PTCHD1: variants seen among roughly 807,000 people sequenced by gnomAD.
PTCHD1 encodes the protein patched domain containing 1, also known as patched domain-containing protein 1.
Under a neutral mutation model 34.6 loss-of-function variants are expected in PTCHD1, and 3 were observed. The observed-to-expected ratio is 0.09, with a 90% CI of 0.04 to 0.22. The LOEUF is 0.22. Among genes scored for constraint, PTCHD1 ranks in the 10% least tolerant of loss-of-function variants. PTCHD1 has a pLI of 1.00. For missense variants in PTCHD1, 504 were observed against 685.5 expected (o/e 0.74, Z 2.96); for synonymous variants, 305 against 283.1 (o/e 1.08, Z -0.77).
intron 1 of PTCHD1, among the ~76,000 whole-genome samples, chrX:23,369,457 G>A (rs1330933680): frequency 9.0e-6 from 1 of 111,246 alleles, no homozygotes; most frequent in African/African-American, 3.3e-5. Flanking sequence ...TCTCATTAGG[G>A]GACAATTTTC....
At position 23,357,400 on chromosome X, in the gene PTCHD1, G is replaced by C. The variant is rs146239916; in HGVS notation, c.351+22174G>C. Among the ~76,000 whole-genome samples the C allele has an allele frequency of 7.7e-3, 863 of 111,659 alleles. 8 individuals are homozygous for C. The highest frequency in any genetic ancestry group is 0.02 in the African/African-American group (605 of 30,680). ...GACCGGCAGTACTGAGTGTTGCTGAGGATATGGGGTAACTGGAACTCTTAT... is the reference window on the plus strand; with the variant it reads ...GACCGGCAGTACTGAGTGTTGCTGACGATATGGGGTAACTGGAACTCTTAT... On this transcript the variant is annotated intron_variant, in intron 1 of 2. Coordinates refer to ENST00000379361, the MANE Select transcript of PTCHD1 (RefSeq NM_173495.3).
intron 2 of PTCHD1, among the ~76,000 whole-genome samples, chrX:23,382,156 T>C (rs889719800): frequency 2.7e-5 from 3 of 111,862 alleles, no homozygotes; most frequent in African/African-American, 9.8e-5. Flanking sequence ...CAATCAGTGC[T>C]GATTTTATGA....
At chrX:23,381,601 A>T (rs1041390821) in intron 2 of PTCHD1, among the ~76,000 whole-genome samples, 5 of 111,944 alleles carry the variant, frequency 4.5e-5, no homozygotes, top group Non-Finnish European at 7.5e-5. Flanking sequence ...GGGGCTGCAA[A>T]GCCACAGAAT....
chrX:23,384,701 G>A (rs943923465), intron 2 of PTCHD1, among the ~76,000 whole-genome samples: 4 of 112,018 alleles, frequency 3.6e-5, no homozygotes, highest in Non-Finnish European at 7.5e-5. Context: ...AAGCAAACCT[G>A]AAAGAATTTG....
At chrX:23,391,480 T>G (rs778411606) in intron 2 of PTCHD1, among the ~76,000 whole-genome samples, 168 of 111,631 alleles carry the variant, frequency 1.5e-3, no homozygotes, top group Non-Finnish European at 2.8e-3. Context: ...TTTTCTTCAC[T>G]GAAACTTCTT....
At chrX:23,355,754 T>A (rs1211054214) in intron 1 of PTCHD1, among the ~76,000 whole-genome samples, 1 of 112,548 alleles carries the variant, frequency 8.9e-6, no homozygotes, top group East Asian at 2.8e-4. Flanking sequence ...GTAAAGCTAC[T>A]TCAGCCTGGA....
intron 1 of PTCHD1, among the ~76,000 whole-genome samples, chrX:23,364,468 A>AATG (rs1249472955): frequency 1.8e-5 from 2 of 109,445 alleles, no homozygotes; most frequent in African/African-American, 6.7e-5. Flanking sequence ...CCATCCCAGC[A>AATG]GTACAGAACA....
At chrX:23,343,754 T>C (rs1323782234) in intron 1 of PTCHD1, among the ~76,000 whole-genome samples, 1 of 112,547 alleles carries the variant, frequency 8.9e-6, no homozygotes, top group African/African-American at 3.2e-5. Flanking sequence ...AAGATAAAGA[T>C]TCCTTTACCC....
In PTCHD1 at chrX:23,377,895, T is replaced by C. The variant is rs1405163683; in HGVS notation, c.352-1696T>C. On this transcript the variant is annotated intron_variant, in intron 1 of 2. Transcript: ENST00000379361. ...TTTAGCACAGATTTGAGAGAAAATATATCAGGATCATGGAGAAGGTAATGA... is the reference window on the plus strand; with the variant it reads ...TTTAGCACAGATTTGAGAGAAAATACATCAGGATCATGGAGAAGGTAATGA... 5.4e-5 allele frequency among the ~76,000 whole-genome samples: 6 copies of C among 111,780 alleles called. No individual in the cohort carries two copies. In the South Asian group the frequency reaches 1.9e-3, roughly 35 times the overall value.
intron 1 of PTCHD1, among the ~76,000 whole-genome samples, chrX:23,355,391 T>C (rs1013489475): frequency 8.9e-6 from 1 of 112,857 alleles, no homozygotes. Context: ...TGTTTCCACC[T>C]CAAAATGGTC....
intron 1 of PTCHD1, among the ~76,000 whole-genome samples, chrX:23,358,791 T>G (rs1244760556): frequency 2.8e-5 from 3 of 107,109 alleles, no homozygotes; most frequent in Non-Finnish European, 3.9e-5. Context: ...GTCTAACATT[T>G]AAGTCTTTAA....
intron 1 of PTCHD1, among the ~76,000 whole-genome samples, chrX:23,364,007 C>A (rs1180999310): frequency 8.9e-6 from 1 of 112,266 alleles, no homozygotes; most frequent in Non-Finnish European, 1.9e-5. Flanking sequence ...CAATGGACTA[C>A]TACACAGCAA....
intron 2 of PTCHD1, among the ~76,000 whole-genome samples, chrX:23,392,208 C>T (rs1160975045): frequency 9.2e-6 from 1 of 108,212 alleles, no homozygotes; most frequent in East Asian, 2.9e-4. Context: ...CCATGACTGG[C>T]TCTACTCAGC....
At chrX:23,350,101 C>A (rs1023967224) in intron 1 of PTCHD1, among the ~76,000 whole-genome samples, 4 of 96,280 alleles carry the variant, frequency 4.2e-5, no homozygotes, top group Non-Finnish European at 8.2e-5. Context: ...ACCTGTGTGG[C>A]CAAATAACTT....
chrX:23,342,660 G>A (rs1921374217), intron 1 of PTCHD1, among the ~76,000 whole-genome samples: 1 of 110,855 alleles, frequency 9.0e-6, no homozygotes, highest in Admixed American at 9.6e-5. Flanking sequence ...GACACCAACA[G>A]GATGTGTGGT....
chrX:23,351,403 G>C, intron 1 of PTCHD1: 2 of 625,093 alleles, frequency 3.2e-6, no homozygotes, highest in Non-Finnish European at 5.4e-6. Context: ...GAAATGGTAC[G>C]AAAACTTTCA....
In PTCHD1 at chrX:23,380,078, T is replaced by C; in HGVS notation, c.839T>C (p.Val280Ala). Residue 280 changes from valine (V) to alanine (A), a missense_variant, in exon 2 of 3, where the codon GTT (valine) becomes GCT (alanine). Physicochemically the swap from Val to Ala is moderately conservative, Grantham distance 64. Transcript: ENST00000379361. ...CTGGTCACCAGCCTGATTCTGGTGG[T>C]TACCATGGCCATCCTGTGTTGCTCT... The part of the protein sequence containing the change: ...RYLVTSLILV[V>A]TMAILCCSMQ... 1 of 1,212,072 alleles carries C rather than the reference T, an allele frequency of 8.3e-7. No homozygotes were observed. Among genetic ancestry groups the C allele is most frequent in the Non-Finnish European group, 1.1e-6 (1 of 895,498 alleles).
At chrX:23,346,511 TATC>T (rs1275787573) in intron 1 of PTCHD1, among the ~76,000 whole-genome samples, 2 of 112,078 alleles carry the variant, frequency 1.8e-5, no homozygotes, top group Non-Finnish European at 3.8e-5. Context: ...GATGATCAGA[TATC>T]ATCTGAGAGA....
chrX:23,381,873 T>C (rs186043415), intron 2 of PTCHD1, among the ~76,000 whole-genome samples: 1 of 112,089 alleles, frequency 8.9e-6, no homozygotes, highest in East Asian at 2.8e-4. Context: ...TACAGAGTGG[T>C]TCCTTGAAGA....
Sources: gnomAD v4.1 joint callset for allele counts (sites outside exome capture counted in the v4.1 genomes callset) on GRCh38, gnomAD v4.1.1 for gene constraint, MANE v1.5 for transcripts, NCBI Gene and HGNC (gene_info 2026-07-23, HGNC 2026-07-21) for gene names.